METTL2B: variants seen among roughly 807,000 people sequenced by gnomAD.
The protein encoded by METTL2B is methyltransferase 2B, tRNA N3-cytidine.
A neutral mutation model predicts 51.0 loss-of-function variants in METTL2B; 28 were observed. The ratio of observed to expected loss-of-function variants is 0.55; its 90% confidence interval spans 0.41 to 0.75. METTL2B has a LOEUF of 0.75. Ranked by LOEUF, METTL2B falls within the 30% of genes least tolerant of loss-of-function variation. The probability of loss-of-function intolerance (pLI) is 0.00; values close to 1 mark genes in which losing one functional copy is unlikely to be tolerated. For synonymous variants in METTL2B, 128 were observed against 166.3 expected (o/e 0.77, Z 1.77); for missense variants, 313 against 460.7 (o/e 0.68, Z 2.93).
In METTL2B at chr7:128,484,227, T is replaced by TGTTTGTTTGG. The variant is rs796850466; in HGVS notation, c.608+3531_608+3532insGTTTGTTTGG. 61 of 86,752 alleles carry TGTTTGTTTGG rather than the reference T, an allele frequency of 7.0e-4. 1 individual carries two copies. The highest frequency in any genetic ancestry group is 1.2e-3 in the Non-Finnish European group (49 of 41,870). The allele number at this position is 86,752 out of a possible 1,614,324, so 5.4% of individuals were successfully genotyped here. A position where few individuals can be genotyped will look rare whatever the true frequency, so the allele number is the denominator to read the frequency against. On this transcript the variant is annotated intron_variant, in intron 4 of 8. Transcript: ENST00000262432. ...CCTATTGCCTAGATCCTTTTTTTTT[T>TGTTTGTTTGG]TTTTTTTTTTTTTTTTTTGAGACAG...
intron 4 of METTL2B, among the ~76,000 whole-genome samples, chr7:128,482,477 T>C (rs1345986600): frequency 2.0e-5 from 3 of 151,918 alleles, no homozygotes; most frequent in African/African-American, 7.3e-5. Flanking sequence ...CTTAAGGTTT[T>C]TGGAACTCTG....
chr7:128,495,998 A>T lies in METTL2B; in HGVS notation c.810-2038A>T, dbSNP rs182590316. ...TAAATTAGTGTTAAAGGTCAAGGTAAGCTGGTGTTAGGAAGCCAGATTACA... is the reference window on the plus strand; with the variant it reads ...TAAATTAGTGTTAAAGGTCAAGGTATGCTGGTGTTAGGAAGCCAGATTACA... On this transcript the variant is annotated intron_variant, in intron 6 of 8. Transcript: ENST00000262432. Among the ~76,000 whole-genome samples the T allele has an allele frequency of 8.4e-4, 128 of 152,282 alleles. 1 individual carries two copies. The highest frequency in any genetic ancestry group is 3.0e-3 in the African/African-American group (125 of 41,550).
rs766946229 is a variant in METTL2B, at chr7:128,493,950, T to C, written c.809+7T>C. 1 of 1,590,010 alleles carries C rather than the reference T, an allele frequency of 6.3e-7. No individual in the cohort carries two copies. The highest frequency in any genetic ancestry group is 1.1e-5 in the South Asian group (1 of 87,198). On this transcript the variant is annotated splice_region_variant and intron_variant, in intron 6 of 8. Coordinates refer to ENST00000262432, the MANE Select transcript of METTL2B (RefSeq NM_018396.3). ...CAGCAGTTGTTCCAGACAAGTAAGT[T>C]TGGGTCCCTTAGCTGGTAGTGTCAC...
At chr7:128,480,459 T>C (rs1799859375) in intron 3 of METTL2B, among the ~76,000 whole-genome samples, 188 bp from the exon 4 acceptor site, 1 of 152,252 alleles carries the variant, frequency 6.6e-6, no homozygotes, top group Non-Finnish European at 1.5e-5. Context: ...CATGTTCTTG[T>C]CTTTTAAGGG....
chr7:128,497,118 G>A (rs1792938457), intron 6 of METTL2B, among the ~76,000 whole-genome samples: 1 of 151,914 alleles, frequency 6.6e-6, no homozygotes, highest in Non-Finnish European at 1.5e-5. Context: ...TTTTTTTGGT[G>A]AAGTTTGTAG....
chr7:128,493,615 G>A (rs1171043496), intron 5 of METTL2B, among the ~76,000 whole-genome samples, 189 bp from the exon 6 acceptor site: 2 of 152,056 alleles, frequency 1.3e-5, no homozygotes, highest in Admixed American at 6.6e-5. Flanking sequence ...ATCCTATCGC[G>A]TGAACCCAAC....
chr7:128,490,427 C>T (rs571989647), intron 5 of METTL2B, among the ~76,000 whole-genome samples: 3 of 149,354 alleles, frequency 2.0e-5, no homozygotes, highest in Non-Finnish European at 3.0e-5. Context: ...TGGGCTCAGG[C>T]GAACCTGATG....
At chr7:128,495,916 A>AC (rs1302427521) in intron 6 of METTL2B, among the ~76,000 whole-genome samples, 1 of 152,228 alleles carries the variant, frequency 6.6e-6, no homozygotes, top group East Asian at 1.9e-4. Context: ...TCATGAGATT[A>AC]GAGACTTCAA....
intron 7 of METTL2B, among the ~76,000 whole-genome samples, chr7:128,500,665 G>C (rs1052706791): frequency 6.6e-6 from 1 of 152,020 alleles, no homozygotes; most frequent in Admixed American, 6.6e-5. Flanking sequence ...TAGTTTAATA[G>C]GGTTGGGAGA....
At chr7:128,491,508 C>A (rs937265561) in intron 5 of METTL2B, among the ~76,000 whole-genome samples, 1 of 151,214 alleles carries the variant, frequency 6.6e-6, no homozygotes, top group Non-Finnish European at 1.5e-5. Flanking sequence ...GCAGGAGAAT[C>A]GCTTGAACCT....
Position 128,504,350 on chromosome 7 carries a change from CTTTT to C in METTL2B, c.*2450_*2453del, listed in dbSNP as rs66738177. On this transcript the variant is annotated 3_prime_UTR_variant, in exon 9 of 9. Coordinates refer to ENST00000262432, the MANE Select transcript of METTL2B (RefSeq NM_018396.3). ...GCTGGGTAATGTAGCAAGACCCTGA[CTTTT>C]TTTTTTTTTTTTTTTGAGATGGAGT... 2 of 108,450 alleles carry C rather than the reference CTTTT, an allele frequency of 1.8e-5. No homozygotes were observed. Among genetic ancestry groups the C allele is most frequent in the Non-Finnish European group, 1.8e-5 (1 of 55,084 alleles). 6.7% of individuals were successfully genotyped at this position (108,450 alleles called of 1,614,324 possible).
rs1401479344 is a variant in METTL2B, at chr7:128,506,310, A to G, written c.*4394A>G. The G allele has an allele frequency of 6.6e-6, 1 of 152,250 alleles. No homozygotes were observed. Among genetic ancestry groups the G allele is most frequent in the Admixed American group, 6.5e-5 (1 of 15,276 alleles). 9.4% of individuals were successfully genotyped at this position (152,250 alleles called of 1,614,324 possible). ...AAAGACTGTCCTTCAGCATCCCTAAAGCATTGCAAAACTATAGGCACAGTT... is the reference window on the plus strand; with the variant it reads ...AAAGACTGTCCTTCAGCATCCCTAAGGCATTGCAAAACTATAGGCACAGTT... On this transcript the variant is annotated 3_prime_UTR_variant, in exon 9 of 9. Transcript: ENST00000262432.
chr7:128,490,647 C>T (rs1402513424), intron 5 of METTL2B, among the ~76,000 whole-genome samples: 2 of 152,104 alleles, frequency 1.3e-5, no homozygotes, highest in Non-Finnish European at 2.9e-5. Context: ...TTGCACGTGG[C>T]CCCAACGTGC....
intron 4 of METTL2B, among the ~76,000 whole-genome samples, chr7:128,486,332 G>T (rs1792715990): frequency 6.6e-6 from 1 of 151,964 alleles, no homozygotes; most frequent in Non-Finnish European, 1.5e-5. Context: ...AGGCACAGTG[G>T]CTCATGCCTG....
rs933344626 is a variant in METTL2B at position 128,503,994 on chromosome 7, A to G, written c.*2078A>G. 2.0e-5 allele frequency: 3 copies of G among 152,312 alleles called. No homozygotes were observed. The highest frequency in any genetic ancestry group is 7.2e-5 in the African/African-American group (3 of 41,580). The allele number at this position is 152,312 out of a possible 1,614,324, so 9.4% of individuals were successfully genotyped here. A position where few individuals can be genotyped will look rare whatever the true frequency, so the allele number is the denominator to read the frequency against. On this transcript the variant is annotated 3_prime_UTR_variant, in exon 9 of 9. Transcript: ENST00000262432. ...GCCTGGGCGACAAGAGCGAAACTGC[A>G]TCTCAAAAACAAAGATGCCTAGCTT...
At chr7:128,482,937 A>G (rs1439622497) in intron 4 of METTL2B, 2 of 152,220 alleles carry the variant, frequency 1.3e-5, no homozygotes, top group Admixed American at 6.5e-5. Flanking sequence ...TACTTTGCCA[A>G]TTTAGCCCAC....
At chr7:128,485,248 A>G (rs1189142839) in intron 4 of METTL2B, among the ~76,000 whole-genome samples, 2 of 152,170 alleles carry the variant, frequency 1.3e-5, no homozygotes, top group African/African-American at 2.4e-5. Flanking sequence ...AATAAATAGT[A>G]TAGGCCAGGC....
At chr7:128,496,255 C>A (rs1299067191) in intron 6 of METTL2B, among the ~76,000 whole-genome samples, 1 of 152,070 alleles carries the variant, frequency 6.6e-6, no homozygotes, top group Non-Finnish European at 1.5e-5. Context: ...TTAATAATTG[C>A]AGAGGTTGAC....
intron 7 of METTL2B, 150 bp downstream of exon 7, chr7:128,498,292 TGAG>T: frequency 1.5e-6 from 1 of 687,512 alleles, no homozygotes; most frequent in Non-Finnish European, 2.0e-6. Flanking sequence ...AGTTGAACAA[TGAG>T]AACACATGGA....
Sources: gnomAD v4.1 joint callset for allele counts (sites outside exome capture counted in the v4.1 genomes callset) on GRCh38, gnomAD v4.1.1 for gene constraint, MANE v1.5 for transcripts, NCBI Gene and HGNC (gene_info 2026-07-23, HGNC 2026-07-21) for gene names.